DGKB: variants seen among roughly 807,000 people sequenced by gnomAD.
DGKB encodes diacylglycerol kinase beta, also known as 90 kDa diacylglycerol kinase.
Under a neutral mutation model 114.3 loss-of-function variants are expected in DGKB, and 67 were observed. That is an observed-to-expected ratio of 0.59 (90% confidence interval 0.48 to 0.72). The LOEUF (loss-of-function observed/expected upper bound fraction) is 0.72, where lower values mean the gene tolerates loss of function less well. Among genes scored for constraint, DGKB ranks in the 30% least tolerant of loss-of-function variants. DGKB has a pLI of 0.00. For synonymous variants in DGKB, 398 were observed against 323.1 expected (o/e 1.23, Z -2.49); for missense variants, 907 against 975.2 (o/e 0.93, Z 0.93).
At chr7:14,717,746 T>G (rs1403466269) in intron 6 of DGKB, among the ~76,000 whole-genome samples, 1 of 152,120 alleles carries the variant, frequency 6.6e-6, no homozygotes, top group African/African-American at 2.4e-5. Flanking sequence ...TTCATTAAAT[T>G]TACCATATCT....
intron 20 of DGKB, among the ~76,000 whole-genome samples, chr7:14,550,701 T>C (rs1358171717): frequency 6.6e-6 from 1 of 152,136 alleles, no homozygotes; most frequent in African/African-American, 2.4e-5. Context: ...AACTCCAATC[T>C]CACTTAAGAA....
intron 23 of DGKB, among the ~76,000 whole-genome samples, chr7:14,200,705 T>G (rs746290134): frequency 6.6e-6 from 1 of 151,958 alleles, no homozygotes. Context: ...GGAATGTGAC[T>G]GAGATAGATG....
At chr7:14,662,949 T>C (rs1279607883) in intron 13 of DGKB, among the ~76,000 whole-genome samples, 1 of 151,974 alleles carries the variant, frequency 6.6e-6, no homozygotes. Context: ...AGCATAACAC[T>C]TATAATAGTA....
At chr7:14,205,202 A>G (rs1221407889) in intron 23 of DGKB, among the ~76,000 whole-genome samples, 1 of 151,986 alleles carries the variant, frequency 6.6e-6, no homozygotes, top group Non-Finnish European at 1.5e-5. Context: ...TGTGGGGCTG[A>G]GGAAACTTGT....
At chr7:14,757,833 C>A (rs923421727) in intron 2 of DGKB, 102 bp from the exon 3 acceptor site, 2 of 553,810 alleles carry the variant, frequency 3.6e-6, no homozygotes, top group Admixed American at 3.6e-5. Context: ...TAAGCATCAG[C>A]AGAAACTAAA....
At chr7:14,941,609 A>C (rs75873930) in intron 1 of DGKB, among the ~76,000 whole-genome samples, 1 of 152,052 alleles carries the variant, frequency 6.6e-6, no homozygotes, top group African/African-American at 2.4e-5. Context: ...ATGGCACTCA[A>C]ACAATTAATG....
intron 6 of DGKB, among the ~76,000 whole-genome samples, chr7:14,702,333 T>G (rs970817483): frequency 2.0e-5 from 3 of 151,766 alleles, no homozygotes; most frequent in Non-Finnish European, 4.4e-5. Flanking sequence ...GAAGGCGGAG[T>G]GCAAAATAAC....
intron 4 of DGKB, among the ~76,000 whole-genome samples, chr7:14,742,478 G>A (rs1832718479): frequency 6.6e-6 from 1 of 152,108 alleles, no homozygotes; most frequent in South Asian, 2.1e-4. Flanking sequence ...AAGATTATTG[G>A]TAAAATTCAA....
intron 12 of DGKB, among the ~76,000 whole-genome samples, chr7:14,682,079 T>C (rs1275781048): frequency 1.3e-5 from 2 of 152,114 alleles, no homozygotes; most frequent in South Asian, 2.1e-4. Context: ...GTCTTCACTA[T>C]GTACTTAAAT....
intron 23 of DGKB, among the ~76,000 whole-genome samples, chr7:14,329,208 G>C (rs1809279619): frequency 6.6e-6 from 1 of 151,878 alleles, no homozygotes; most frequent in South Asian, 2.1e-4. Context: ...GATGAGATCT[G>C]ATTTTTCAAG....
intron 20 of DGKB, among the ~76,000 whole-genome samples, chr7:14,553,075 C>G (rs551357528): frequency 6.6e-6 from 1 of 152,344 alleles, no homozygotes; most frequent in Admixed American, 6.5e-5. Context: ...AAGAACAATA[C>G]ATGAACCAGA....
rs556434061 is a variant in DGKB, at chr7:14,407,153, G to T, written c.1836-61762C>A. Among the ~76,000 whole-genome samples, 10 of 152,188 alleles carry T rather than the reference G, an allele frequency of 6.6e-5. 1 individual carries two copies. In the South Asian group the frequency reaches 1.0e-3, roughly 16 times the overall value. ...CATTCTAGTGCATGAATGTGACAGG[G>T]AGCAGCTGAAGAGAATGGAAGTGAT... is the stretch of plus-strand genomic sequence containing the variant. On this transcript the variant is annotated intron_variant, in intron 21 of 25. Coordinates refer to ENST00000402815, the MANE Select transcript of DGKB (RefSeq NM_001350709.2).
intron 1 of DGKB, among the ~76,000 whole-genome samples, chr7:14,863,032 G>A (rs1236395291): frequency 6.6e-6 from 1 of 151,736 alleles, no homozygotes; most frequent in Non-Finnish European, 1.5e-5. Flanking sequence ...TAAAAAGTCA[G>A]GAAATGTAAA....
intron 23 of DGKB, among the ~76,000 whole-genome samples, chr7:14,306,637 G>A (rs1015607226): frequency 5.9e-5 from 9 of 152,014 alleles, no homozygotes; most frequent in South Asian, 2.1e-4. Flanking sequence ...TTGGCTCTGC[G>A]CTTCAGAACT....
chr7:14,355,990 C>T (rs1489508461), intron 21 of DGKB, among the ~76,000 whole-genome samples: 1 of 152,068 alleles, frequency 6.6e-6, no homozygotes, highest in Non-Finnish European at 1.5e-5. Context: ...TTGACTTATT[C>T]CTGGTTTAGT....
At chr7:14,213,477 T>C (rs946728459) in intron 23 of DGKB, among the ~76,000 whole-genome samples, 2 of 152,170 alleles carry the variant, frequency 1.3e-5, no homozygotes, top group Non-Finnish European at 2.9e-5. Context: ...TATTCCATAA[T>C]ATCTTTTAAA....
intron 20 of DGKB, among the ~76,000 whole-genome samples, chr7:14,483,725 A>G (rs1277847373): frequency 6.6e-6 from 1 of 152,174 alleles, no homozygotes; most frequent in African/African-American, 2.4e-5. Context: ...TCCTTATGAG[A>G]GAGAGACAGA....
chr7:14,912,607 G>A (rs1784053286), intron 1 of DGKB, among the ~76,000 whole-genome samples: 1 of 152,116 alleles, frequency 6.6e-6, no homozygotes, highest in Non-Finnish European at 1.5e-5. Flanking sequence ...AGTATTTAGT[G>A]TTATGTAGAT....
At chr7:14,544,973 T>G (rs1332340764) in intron 20 of DGKB, among the ~76,000 whole-genome samples, 1 of 152,112 alleles carries the variant, frequency 6.6e-6, no homozygotes, top group Non-Finnish European at 1.5e-5. Flanking sequence ...CTTCTTCACG[T>G]TGATGCCAAA....
Sources: allele counts gnomAD v4.1 joint callset (sites outside exome capture counted in the v4.1 genomes callset), GRCh38; gene constraint gnomAD v4.1.1; transcripts MANE v1.5; gene names NCBI Gene and HGNC (gene_info 2026-07-23, HGNC 2026-07-21).